The following CLASP2 variants were observed in gnomAD, a reference collection of about 807,000 sequenced individuals.
CLASP2 encodes CLIP-associating protein 2.
CLASP2 carries 47 observed loss-of-function variants against 194.4 expected under a neutral mutation model. The ratio of observed to expected loss-of-function variants is 0.24; its 90% CI spans 0.19 to 0.31. The LOEUF (loss-of-function observed/expected upper bound fraction) is 0.31, where lower values mean the gene tolerates loss of function less well. Among genes scored for constraint, CLASP2 ranks in the 10% least tolerant of loss-of-function variants. The pLI, the probability that CLASP2 is intolerant of heterozygous loss-of-function variation, is 1.00. For synonymous variants in CLASP2, 619 were observed against 633.5 expected (o/e 0.98, Z 0.34); for missense variants, 1,445 against 1,823.6 (o/e 0.79, Z 3.78).
intron 23 of CLASP2, among the ~76,000 whole-genome samples, chr3:33,581,153 G>A (rs2066044395): frequency 1.3e-5 from 2 of 151,736 alleles, no homozygotes. Flanking sequence ...GATTCTCAAT[G>A]TACATACAAA....
chr3:33,520,864 C>G (rs531003782), intron 34 of CLASP2, among the ~76,000 whole-genome samples: 1 of 147,942 alleles, frequency 6.8e-6, no homozygotes, highest in Non-Finnish European at 1.5e-5. Context: ...CACACACACA[C>G]TCCCTAGCTC....
chr3:33,684,321 T>G, intron 6 of CLASP2, 38 bp downstream of exon 6: 2 of 1,069,748 alleles, frequency 1.9e-6, no homozygotes, highest in Non-Finnish European at 2.8e-6. Context: ...AAACTAGTGG[T>G]GAAAAAAAAA....
Position 33,681,300 on chromosome 3 carries a change from T to G in CLASP2, c.644+3059A>C, listed in dbSNP as rs901345783. The stretch of plus-strand genomic sequence containing the variant: ...GTTAGCCCTGGAAGTAGAAAATGAA[T>G]AGATGATCAAGTCAACAAAAAGCTT... On this transcript the variant is annotated intron_variant, in intron 6 of 38. Coordinates refer to ENST00000682230, the MANE Select transcript of CLASP2 (RefSeq NM_001365631.1). Among the ~76,000 whole-genome samples the G allele has an allele frequency of 7.9e-5, 12 of 152,092 alleles. No individual in the cohort carries two copies. The South Asian group carries it at 2.5e-3, about 32-fold the overall frequency.
At chr3:33,642,852 A>T (rs1349812338) in intron 8 of CLASP2, among the ~76,000 whole-genome samples, 1 of 151,922 alleles carries the variant, frequency 6.6e-6, no homozygotes, top group Non-Finnish European at 1.5e-5. Flanking sequence ...GATAAAAAAA[A>T]GAAACAAGAA....
chr3:33,647,983 A>G (rs948543327), intron 7 of CLASP2, among the ~76,000 whole-genome samples: 6 of 152,022 alleles, frequency 3.9e-5, no homozygotes, highest in Non-Finnish European at 2.9e-5. Context: ...CAGTGAGCTG[A>G]GATCGCACCA....
chr3:33,530,229 T>A (rs1165463606), intron 34 of CLASP2, among the ~76,000 whole-genome samples: 2 of 152,038 alleles, frequency 1.3e-5, no homozygotes, highest in Non-Finnish European at 2.9e-5. Flanking sequence ...AATCCCAGCA[T>A]TTTGCAAGGC....
chr3:33,625,383 T>A (rs188132174), intron 10 of CLASP2, among the ~76,000 whole-genome samples: 10,584 of 151,444 alleles, frequency 0.07, 456 homozygotes, highest in Admixed American at 0.099. Context: ...CACACACACA[T>A]TACATGTATA....
chr3:33,651,145 G>A (rs750618326), intron 7 of CLASP2, among the ~76,000 whole-genome samples: 3 of 152,146 alleles, frequency 2.0e-5, no homozygotes, highest in Non-Finnish European at 4.4e-5. Context: ...CACTTTGGGA[G>A]GCCAAGGCAG....
intron 12 of CLASP2, among the ~76,000 whole-genome samples, chr3:33,613,469 C>T (rs2075565946): frequency 6.6e-6 from 1 of 151,298 alleles, no homozygotes; most frequent in Non-Finnish European, 1.5e-5. Context: ...AGGCTGTCTA[C>T]TAACAGTTCT....
chr3:33,664,660 T>A (rs1163928215), intron 6 of CLASP2, among the ~76,000 whole-genome samples: 1 of 152,168 alleles, frequency 6.6e-6, no homozygotes, highest in Non-Finnish European at 1.5e-5. Flanking sequence ...ACTATTTACA[T>A]ATAGAAAGCA....
At chr3:33,668,557 T>G (rs2086599715) in intron 6 of CLASP2, among the ~76,000 whole-genome samples, 1 of 152,212 alleles carries the variant, frequency 6.6e-6, no homozygotes, top group Non-Finnish European at 1.5e-5. Context: ...TGAAGAAAGG[T>G]GTAAACCGAA....
In CLASP2 at chr3:33,602,937, A is replaced by AAT. The variant is rs1383913789; in HGVS notation, c.1924+13_1924+14dup. On this transcript the variant is annotated intron_variant, in intron 18 of 38. Coordinates refer to ENST00000682230, the MANE Select transcript of CLASP2 (RefSeq NM_001365631.1). The stretch of plus-strand genomic sequence containing the variant: ...GAGAGAACATGGTACAATTTTCCAT[A>AAT]ATCAGTTCTCTTACCTAGTGACGCA... 6.2e-7 allele frequency: 1 copy of AAT among 1,602,868 alleles called. No individual in the cohort carries two copies. Among genetic ancestry groups the AAT allele is most frequent in the East Asian group, 2.2e-5 (1 of 44,608 alleles).
intron 20 of CLASP2, among the ~76,000 whole-genome samples, chr3:33,593,340 C>T (rs982191629): frequency 2.6e-5 from 4 of 152,120 alleles, no homozygotes; most frequent in Non-Finnish European, 5.9e-5. Flanking sequence ...GCTATCAAAT[C>T]AGAACCAATA....
intron 1 of CLASP2, among the ~76,000 whole-genome samples, chr3:33,703,328 T>C (rs1223707186): frequency 6.6e-6 from 1 of 152,168 alleles, no homozygotes; most frequent in African/African-American, 2.4e-5. Context: ...ATGTAAGATA[T>C]ATAAACAGCA....
At chr3:33,524,074 A>G (rs564931861) in intron 34 of CLASP2, among the ~76,000 whole-genome samples, 37 of 152,324 alleles carry the variant, frequency 2.4e-4, no homozygotes, top group African/African-American at 8.4e-4. Context: ...GCAACATGAC[A>G]GAAGTAAGTC....
chr3:33,714,867 G>A lies in CLASP2; in HGVS notation c.195+2941C>T, dbSNP rs140309665. ...TGGGACTACAGGCATAAGCCACCAC[G>A]CCCAGTTACCTCCACCATATTTAGA... On this transcript the variant is annotated intron_variant, in intron 1 of 38. Coordinates refer to ENST00000682230, the MANE Select transcript of CLASP2 (RefSeq NM_001365631.1). Among the ~76,000 whole-genome samples, 275 of 152,020 alleles carry A rather than the reference G, an allele frequency of 1.8e-3. 7 individuals carry two copies. Among genetic ancestry groups the A allele is most frequent in the Admixed American group, 0.015 (222 of 15,264 alleles).
At chr3:33,707,653 T>C (rs576502625) in intron 1 of CLASP2, among the ~76,000 whole-genome samples, 3 of 152,154 alleles carry the variant, frequency 2.0e-5, no homozygotes, top group Admixed American at 6.5e-5. Context: ...AAGGAGAGTA[T>C]TTCCTATTAA....
chr3:33,695,370 A>C (rs1280758546), intron 2 of CLASP2, among the ~76,000 whole-genome samples: 1 of 151,602 alleles, frequency 6.6e-6, no homozygotes, highest in Admixed American at 6.6e-5. Flanking sequence ...GGCCTACTAT[A>C]GAGTTGTAAG....
chr3:33,556,653 T>A (rs1326473310), intron 29 of CLASP2, among the ~76,000 whole-genome samples: 2 of 152,072 alleles, frequency 1.3e-5, no homozygotes, highest in African/African-American at 4.8e-5. Context: ...GCCAGCCTGG[T>A]CACAAACTAC....
Sources: gnomAD v4.1 joint callset for allele counts (sites outside exome capture counted in the v4.1 genomes callset) on GRCh38, gnomAD v4.1.1 for gene constraint, MANE v1.5 for transcripts, NCBI Gene and HGNC (gene_info 2026-07-23, HGNC 2026-07-21) for gene names.